The following YTHDC2 variants were observed in gnomAD, a reference collection of about 807,000 sequenced individuals.
YTHDC2 encodes YTH N6-methyladenosine RNA binding protein C2.
A neutral mutation model predicts 174.9 loss-of-function variants in YTHDC2; 45 were observed. That is an observed-to-expected ratio of 0.26 (90% confidence interval 0.20 to 0.33). YTHDC2 has a LOEUF of 0.33. YTHDC2 is among the 10% of genes least tolerant of loss of function. YTHDC2 has a pLI of 1.00. For synonymous variants in YTHDC2, 657 were observed against 574.5 expected, an observed-to-expected ratio of 1.14 and a Z score of -2.05; for missense variants, 1,650 against 1,723.7, an observed-to-expected ratio of 0.96 and a Z score of 0.76.
chr5:113,539,912 T>A (rs925007394), intron 8 of YTHDC2, among the ~76,000 whole-genome samples: 4 of 151,936 alleles, frequency 2.6e-5, no homozygotes, highest in Non-Finnish European at 5.9e-5. Flanking sequence ...TAAAAAAAAA[T>A]TTTTTTAGAG....
intron 26 of YTHDC2, among the ~76,000 whole-genome samples, chr5:113,585,315 G>A (rs915737830): frequency 6.6e-6 from 1 of 152,052 alleles, no homozygotes; most frequent in Non-Finnish European, 1.5e-5. Flanking sequence ...ATGATGTGAT[G>A]ACTTTACTGT....
At chr5:113,528,289 A>G (rs1187985538) in intron 4 of YTHDC2, among the ~76,000 whole-genome samples, 1 of 152,182 alleles carries the variant, frequency 6.6e-6, no homozygotes, top group African/African-American at 2.4e-5. Context: ...TTGCTTTTTA[A>G]GAAGAAACTG....
chr5:113,570,184 C>T (rs1250337638), intron 23 of YTHDC2, among the ~76,000 whole-genome samples: 2 of 152,206 alleles, frequency 1.3e-5, no homozygotes, highest in South Asian at 4.1e-4. Flanking sequence ...GTAACCTCCG[C>T]CTCCTGGGTT....
At chr5:113,540,092 C>T (rs998662966) in intron 8 of YTHDC2, among the ~76,000 whole-genome samples, 2 of 152,100 alleles carry the variant, frequency 1.3e-5, no homozygotes, top group Non-Finnish European at 2.9e-5. Flanking sequence ...CTAGTTACAT[C>T]GCCCAGGCTG....
In YTHDC2 at chr5:113,592,030, A is replaced by G. The variant is rs1779029618; in HGVS notation, c.4064A>G (p.Glu1355Gly). 1 of 1,610,804 alleles carries G rather than the reference A, an allele frequency of 6.2e-7. No homozygotes were observed. The highest frequency in any genetic ancestry group is 1.1e-5 in the South Asian group (1 of 90,618). Reference protein sequence around the residue: ...FSRMSSEIGREKSQDWGSAGL... With the variant: ...FSRMSSEIGRGKSQDWGSAGL... ...AGGATGTCTTCTGAGATTGGAAGGGAAAAGAGTCAGGACTGGGGCTCTGCT... is the reference window on the plus strand; with the variant it reads ...AGGATGTCTTCTGAGATTGGAAGGGGAAAGAGTCAGGACTGGGGCTCTGCT... Residue 1355 changes from glutamate (E) to glycine (G), a missense_variant, in exon 28 of 30, where the codon GAA becomes GGA. Transcript: ENST00000161863.
intron 8 of YTHDC2, among the ~76,000 whole-genome samples, chr5:113,540,511 CTT>C (rs1163276453): frequency 6.6e-6 from 1 of 152,118 alleles, no homozygotes; most frequent in African/African-American, 2.4e-5. Flanking sequence ...CCTCAGGAAA[CTT>C]AGTCATGATG....
chr5:113,575,872 A>G (rs1051213419), intron 23 of YTHDC2, among the ~76,000 whole-genome samples: 3 of 152,180 alleles, frequency 2.0e-5, no homozygotes, highest in African/African-American at 2.4e-5. Context: ...CAGATAGGAT[A>G]GTGATCGCTG....
At chr5:113,555,659 A>G (rs772306544) in intron 16 of YTHDC2, among the ~76,000 whole-genome samples, 3 of 136,104 alleles carry the variant, frequency 2.2e-5, no homozygotes, top group Non-Finnish European at 5.0e-5. Context: ...ATTTCAGAAA[A>G]TGTCTTTCCT....
chr5:113,580,206 A>G (rs1401318933), intron 24 of YTHDC2, among the ~76,000 whole-genome samples: 1 of 152,112 alleles, frequency 6.6e-6, no homozygotes, highest in Non-Finnish European at 1.5e-5. Flanking sequence ...AACACCTCCC[A>G]TTACTATTGC....
chr5:113,567,062 A>G (rs1399368459), intron 21 of YTHDC2, 30 bp from the exon 22 acceptor site: 3 of 1,596,846 alleles, frequency 1.9e-6, no homozygotes, highest in Non-Finnish European at 2.6e-6. Flanking sequence ...TGCACAATAG[A>G]AAAATTGGTG....
intron 9 of YTHDC2, 76 bp downstream of exon 9, chr5:113,541,192 A>T (rs899529810): frequency 1.2e-5 from 15 of 1,281,144 alleles, no homozygotes; most frequent in Non-Finnish European, 1.3e-5. Context: ...TGAGCTTATA[A>T]TTTTTTTTTT....
chr5:113,586,619 G>C (rs35077609), intron 26 of YTHDC2, among the ~76,000 whole-genome samples: 12,148 of 151,332 alleles, frequency 0.08, 703 homozygotes, highest in Non-Finnish European at 0.11. Flanking sequence ...TATGTTTTTA[G>C]AAGTTTTATA....
intron 11 of YTHDC2, 138 bp from the exon 12 acceptor site, chr5:113,548,817 T>A (rs1158570621): frequency 5.2e-6 from 6 of 1,146,490 alleles, no homozygotes; most frequent in Non-Finnish European, 5.9e-6. Context: ...TTTGAATGAC[T>A]TGTTTTTTAA....
At chr5:113,540,918 CA>C (rs764038222) in intron 8 of YTHDC2, 49 bp from the exon 9 acceptor site, 18 of 1,551,544 alleles carry the variant, frequency 1.2e-5, no homozygotes, top group Non-Finnish European at 7.0e-6. Flanking sequence ...GAATACATTT[CA>C]AAAAGGAAAT....
At chr5:113,581,207 TATTTA>T in intron 24 of YTHDC2, 1 of 430,900 alleles carries the variant, frequency 2.3e-6, no homozygotes, top group Non-Finnish European at 4.0e-6. Context: ...CTTATTAGAC[TATTTA>T]ATTTGATTTT....
At chr5:113,542,678 A>G (rs958729532) in intron 10 of YTHDC2, among the ~76,000 whole-genome samples, 175 bp downstream of exon 10, 1 of 152,230 alleles carries the variant, frequency 6.6e-6, no homozygotes, top group African/African-American at 2.4e-5. Flanking sequence ...ACAGCATAGT[A>G]GAAATAAATA....
chr5:113,557,774 G>A (rs984147319), intron 17 of YTHDC2, among the ~76,000 whole-genome samples: 14 of 151,998 alleles, frequency 9.2e-5, no homozygotes, highest in African/African-American at 1.9e-4. Flanking sequence ...TACTCCAGCC[G>A]GAGCGACAGA....
chr5:113,592,368 CAG>C (rs1353416883), intron 28 of YTHDC2, 190 bp downstream of exon 28: 16 of 478,580 alleles, frequency 3.3e-5, no homozygotes, highest in East Asian at 2.4e-4. Context: ...TCCTTGCAGT[CAG>C]AGTCTCAAGA....
At chr5:113,529,586 G>A (rs1245697135) in intron 4 of YTHDC2, among the ~76,000 whole-genome samples, 1 of 152,020 alleles carries the variant, frequency 6.6e-6, no homozygotes, top group Non-Finnish European at 1.5e-5. Flanking sequence ...TGATAAGCTT[G>A]ATAAATCATA....
Sources: allele counts gnomAD v4.1 joint callset (sites outside exome capture counted in the v4.1 genomes callset), GRCh38; gene constraint gnomAD v4.1.1; transcripts MANE v1.5; gene names NCBI Gene and HGNC (gene_info 2026-07-23, HGNC 2026-07-21).